Variants in ZZZ3 observed in about 807,000 individuals in gnomAD.
The protein encoded by ZZZ3 is zinc finger ZZ-type containing 3.
Under a neutral mutation model 95.2 loss-of-function variants are expected in ZZZ3, and 22 were observed. That is an observed-to-expected ratio of 0.23 (90% CI 0.17 to 0.33). The LOEUF (loss-of-function observed/expected upper bound fraction) is 0.33, where lower values mean the gene tolerates loss of function less well. Among genes scored for constraint, ZZZ3 ranks in the 10% least tolerant of loss-of-function variants. The pLI, the probability that ZZZ3 is intolerant of heterozygous loss-of-function variation, is 1.00. For missense variants in ZZZ3, 885 were observed against 1,066.5 expected (o/e 0.83, Z 2.37); for synonymous variants, 335 against 358.9 (o/e 0.93, Z 0.75).
chr1:77,654,098 G>C (rs371573272), intron 1 of ZZZ3, among the ~76,000 whole-genome samples: 2 of 150,422 alleles, frequency 1.3e-5, no homozygotes, highest in South Asian at 2.1e-4. Flanking sequence ...TGAGGCAGGG[G>C]AATGGCGTGA....
intron 5 of ZZZ3, among the ~76,000 whole-genome samples, chr1:77,604,639 A>G (rs953237128): frequency 2.0e-5 from 3 of 152,208 alleles, no homozygotes; most frequent in African/African-American, 7.2e-5. Context: ...GAATGGCTGT[A>G]TACTTTTGAA....
chr1:77,584,542 C>T lies in ZZZ3; in HGVS notation c.1619G>A (p.Gly540Glu). Residue 540 changes from glycine (G) to glutamate (E), a missense_variant, in exon 6 of 15, where the codon GGA (glycine) becomes GAA (glutamate). Transcript: ENST00000370801. ...CTTCTTCTGGAGTTTTTCCACAAAT[C>T]CAATGGGATTTTTCAGTGCTTCTCT... Reference protein sequence around the residue: ...HQREALKNPIGFVEKLQKKAD... With the variant: ...HQREALKNPIEFVEKLQKKAD... 1 of 1,611,768 alleles carries T rather than the reference C, an allele frequency of 6.2e-7. No individual in the cohort carries two copies. Among genetic ancestry groups the T allele is most frequent in the East Asian group, 2.2e-5 (1 of 44,822 alleles).
chr1:77,576,849 C>T (rs927074195), intron 11 of ZZZ3, among the ~76,000 whole-genome samples: 13 of 152,016 alleles, frequency 8.6e-5, no homozygotes, highest in African/African-American at 2.9e-4. Flanking sequence ...TCAAAGCTGT[C>T]GTGGGCCACA....
intron 5 of ZZZ3, among the ~76,000 whole-genome samples, chr1:77,613,797 T>G (rs1666042151): frequency 6.6e-6 from 1 of 152,126 alleles, no homozygotes; most frequent in Non-Finnish European, 1.5e-5. Context: ...ATATTGACTT[T>G]TCCCCTATGT....
At chr1:77,661,111 C>T (rs1005433719) in intron 1 of ZZZ3, among the ~76,000 whole-genome samples, 4 of 151,028 alleles carry the variant, frequency 2.6e-5, no homozygotes, top group Non-Finnish European at 5.9e-5. Context: ...CTCAGAACAC[C>T]ATACAGTTAA....
Position 77,633,161 on chromosome 1 carries a change from T to C in ZZZ3, c.194A>G (p.Asn65Ser), listed in dbSNP as rs1474857857. Reference protein sequence around the residue: ...EPVPIQKGNNNGRTTDLKQQS... With the variant: ...EPVPIQKGNNSGRTTDLKQQS... The stretch of plus-strand genomic sequence containing the variant: ...CTGTTTTAAATCAGTGGTTCTCCCA[T>C]TATTATTTCCTTTCTGAATTGGCAC... Residue 65 changes from asparagine to serine, a missense_variant, in exon 5 of 15, where the codon AAT (asparagine) becomes AGT (serine). By Grantham distance (46) the Asn-to-Ser change is conservative. This residue lies in a region of ZZZ3 where 556 missense variants were observed against 652.9 expected (regional missense o/e 0.85). Coordinates refer to ENST00000370801, the MANE Select transcript of ZZZ3 (RefSeq NM_015534.6). 1.2e-6 allele frequency: 2 copies of C among 1,614,036 alleles called. No homozygotes were observed. Among genetic ancestry groups the C allele is most frequent in the South Asian group, 1.1e-5 (1 of 91,062 alleles).
chr1:77,664,056 C>T (rs1671049525), intron 1 of ZZZ3, among the ~76,000 whole-genome samples: 1 of 151,538 alleles, frequency 6.6e-6, no homozygotes, highest in East Asian at 1.9e-4. Context: ...GGCTAATAAA[C>T]CCTACTTATT....
At chr1:77,576,902 A>G (rs981468203) in intron 11 of ZZZ3, among the ~76,000 whole-genome samples, 4 of 152,228 alleles carry the variant, frequency 2.6e-5, no homozygotes, top group African/African-American at 7.2e-5. Flanking sequence ...GCTCTATGCC[A>G]ATGTCATTTA....
chr1:77,614,957 T>C (rs1395181525), intron 5 of ZZZ3: 1 of 152,012 alleles, frequency 6.6e-6, no homozygotes, highest in Non-Finnish European at 1.5e-5. Context: ...TAAAAAAAAA[T>C]AAAAATTCAT....
intron 1 of ZZZ3, among the ~76,000 whole-genome samples, chr1:77,674,315 A>C (rs1384783395): frequency 6.6e-6 from 1 of 152,238 alleles, no homozygotes; most frequent in African/African-American, 2.4e-5. Context: ...AAAACAGCTG[A>C]ATCTCACAAA....
At chr1:77,579,870 A>C (rs773936669) in intron 9 of ZZZ3, 3 of 247,260 alleles carry the variant, frequency 1.2e-5, no homozygotes, top group Non-Finnish European at 1.5e-5. Flanking sequence ...CTATTCACAT[A>C]AGTAAAAATA....
chr1:77,584,733 C>G (rs1156314822), intron 5 of ZZZ3, 78 bp from the exon 6 acceptor site: 8 of 1,224,458 alleles, frequency 6.5e-6, no homozygotes, highest in Non-Finnish European at 8.8e-6. Flanking sequence ...AAGCCATGAT[C>G]TACTATTAAG....
At chr1:77,652,533 G>A (rs1669902113) in intron 1 of ZZZ3, among the ~76,000 whole-genome samples, 1 of 152,158 alleles carries the variant, frequency 6.6e-6, no homozygotes, top group South Asian at 2.1e-4. Flanking sequence ...AAAATAGTTT[G>A]GCAGTTCCTC....
intron 5 of ZZZ3, among the ~76,000 whole-genome samples, chr1:77,630,461 GTGCGA>G (rs1667705626): frequency 6.6e-6 from 1 of 152,106 alleles, no homozygotes; most frequent in Non-Finnish European, 1.5e-5. Flanking sequence ...TGGGCAACAA[GTGCGA>G]TGCTGTCTCA....
chr1:77,654,208 A>G (rs886363220), intron 1 of ZZZ3, among the ~76,000 whole-genome samples: 23 of 145,176 alleles, frequency 1.6e-4, no homozygotes, highest in African/African-American at 5.7e-4. Context: ...AAAAAAAAAA[A>G]GTGAAGTTAT....
intron 5 of ZZZ3, among the ~76,000 whole-genome samples, chr1:77,588,699 A>G (rs1313106225): frequency 6.6e-6 from 1 of 151,812 alleles, no homozygotes; most frequent in Non-Finnish European, 1.5e-5. Context: ...ACCAAGCAAG[A>G]GAATAGAATA....
chr1:77,615,948 A>C (rs929726866), intron 5 of ZZZ3, among the ~76,000 whole-genome samples: 19 of 152,114 alleles, frequency 1.2e-4, no homozygotes, highest in East Asian at 1.9e-4. Context: ...CACACACACA[A>C]AATTAACTAG....
chr1:77,672,764 C>G (rs993303804), intron 1 of ZZZ3, among the ~76,000 whole-genome samples: 1 of 152,176 alleles, frequency 6.6e-6, no homozygotes. Context: ...GTGGAAAATG[C>G]TCTGACTAGT....
intron 1 of ZZZ3, among the ~76,000 whole-genome samples, chr1:77,649,981 T>C (rs1196107665): frequency 1.3e-5 from 2 of 151,796 alleles, no homozygotes; most frequent in African/African-American, 2.4e-5. Flanking sequence ...GTAAATGTAA[T>C]AGCACAAATG....
Sources: gnomAD v4.1 joint callset for allele counts (sites outside exome capture counted in the v4.1 genomes callset) on GRCh38, gnomAD v4.1.1 for gene constraint, gnomAD v4.1.1 regional missense constraint, MANE v1.5 for transcripts, NCBI Gene and HGNC (gene_info 2026-07-23, HGNC 2026-07-21) for gene names.